ANO6: variants seen among roughly 807,000 people sequenced by gnomAD.
ANO6 encodes anoctamin 6.
Under a neutral mutation model 117.5 loss-of-function variants are expected in ANO6, and 106 were observed. The observed-to-expected ratio is 0.90, with a 90% CI of 0.77 to 1.06. The LOEUF is 1.06. Among genes scored for constraint, ANO6 ranks in the 50% least tolerant of loss-of-function variants. ANO6 has a pLI of 0.00. For synonymous variants in ANO6, 367 were observed against 385.1 expected (o/e 0.95, Z 0.55); for missense variants, 955 against 1,121.1 (o/e 0.85, Z 2.12).
intron 19 of ANO6, among the ~76,000 whole-genome samples, chr12:45,424,526 G>T (rs1440865259): frequency 6.6e-6 from 1 of 151,642 alleles, no homozygotes; most frequent in Admixed American, 6.6e-5. Context: ...TAGTAGAGAT[G>T]GGGTTTCACC....
At chr12:45,304,189 C>A (rs1475503375) in intron 2 of ANO6, among the ~76,000 whole-genome samples, 2 of 152,164 alleles carry the variant, frequency 1.3e-5, no homozygotes, top group Non-Finnish European at 2.9e-5. Context: ...ACTGCTGTCT[C>A]CATGGTAAAC....
chr12:45,264,294 T>C (rs2137219035), intron 1 of ANO6, among the ~76,000 whole-genome samples: 1 of 152,368 alleles, frequency 6.6e-6, no homozygotes, highest in East Asian at 1.9e-4. Context: ...TCTTGGCTAA[T>C]GCCTGTGAAC....
At position 45,409,387 on chromosome 12, in the gene ANO6, CAG is replaced by C. The variant is rs750168369; in HGVS notation, c.1914_1915del (p.Arg638SerfsTer28). 4 of 1,613,992 alleles carry C rather than the reference CAG, an allele frequency of 2.5e-6. No homozygotes were observed. The South Asian group carries it at 3.3e-5, about 13-fold the overall frequency. Reference sequence around the variant, plus strand: ...TCATGAATCTAATTGGGCGATTTCACAGAGTTTCTGGATCAGAAAAGATAACC... The same window carrying C: ...TCATGAATCTAATTGGGCGATTTCACAGTTTCTGGATCAGAAAAGATAACC... ...WIMNLIGRFH[R>X]VSGSEKITPR... is the part of the protein sequence containing the mutation. On this transcript the variant is annotated frameshift_variant, in exon 16 of 20. Transcript: ENST00000320560. LOFTEE classifies it high-confidence loss of function.
chr12:45,420,540 G>C (rs964106233), intron 17 of ANO6, among the ~76,000 whole-genome samples: 4 of 151,996 alleles, frequency 2.6e-5, no homozygotes, highest in African/African-American at 9.7e-5. Flanking sequence ...AGGAGTTCGA[G>C]GTTACAGTGA....
intron 16 of ANO6, among the ~76,000 whole-genome samples, chr12:45,414,747 A>T (rs1943171158): frequency 1.3e-5 from 2 of 152,122 alleles, no homozygotes; most frequent in African/African-American, 4.8e-5. Flanking sequence ...GAAGAACTTT[A>T]GTATCACTTT....
intron 5 of ANO6, 98 bp from the exon 6 acceptor site, chr12:45,348,420 A>G (rs1941199355): frequency 6.4e-7 from 1 of 1,566,906 alleles, no homozygotes; most frequent in Non-Finnish European, 8.8e-7. Context: ...CAAAAAGAAA[A>G]GAAATATGCC....
At chr12:45,322,995 C>T (rs934680639) in intron 2 of ANO6, among the ~76,000 whole-genome samples, 5 of 152,146 alleles carry the variant, frequency 3.3e-5, no homozygotes, top group African/African-American at 4.8e-5. Flanking sequence ...GTTAAGATCA[C>T]GACAACTACA....
intron 1 of ANO6, among the ~76,000 whole-genome samples, chr12:45,269,550 T>C (rs1054731455): frequency 6.6e-6 from 1 of 152,226 alleles, no homozygotes; most frequent in Admixed American, 6.5e-5. Flanking sequence ...TGTTTCTAAT[T>C]ACTGTTTGTT....
intron 1 of ANO6, among the ~76,000 whole-genome samples, chr12:45,287,551 G>C (rs551254129): frequency 1.2e-4 from 18 of 152,332 alleles, no homozygotes; most frequent in Middle Eastern, 3.4e-3. Flanking sequence ...TGTGGGAATG[G>C]TGAAAAGTAG....
At chr12:45,275,285 A>T (rs982121248) in intron 1 of ANO6, among the ~76,000 whole-genome samples, 1 of 152,064 alleles carries the variant, frequency 6.6e-6, no homozygotes, top group Admixed American at 6.5e-5. Context: ...ATCTCGGCTC[A>T]CTGCAACCTC....
chr12:45,252,807 G>A (rs1293897273), intron 1 of ANO6, among the ~76,000 whole-genome samples: 1 of 152,044 alleles, frequency 6.6e-6, no homozygotes, highest in Non-Finnish European at 1.5e-5. Context: ...AATGGTTTTG[G>A]TCATCAACAT....
At chr12:45,285,479 C>T (rs1242757683) in intron 1 of ANO6, among the ~76,000 whole-genome samples, 2 of 152,200 alleles carry the variant, frequency 1.3e-5, no homozygotes, top group South Asian at 4.1e-4. Flanking sequence ...GGCGGTGGCT[C>T]ACGCCTGTAA....
At chr12:45,313,972 G>A (rs1420397302) in intron 2 of ANO6, among the ~76,000 whole-genome samples, 1 of 151,850 alleles carries the variant, frequency 6.6e-6, no homozygotes, top group Non-Finnish European at 1.5e-5. Context: ...TTACCCACAG[G>A]GCCAAGAGTG....
chr12:45,277,336 T>A (rs1938587159), intron 1 of ANO6, among the ~76,000 whole-genome samples: 1 of 152,224 alleles, frequency 6.6e-6, no homozygotes, highest in Admixed American at 6.5e-5. Context: ...TATGAATAAT[T>A]CAACCTCACA....
intron 9 of ANO6, among the ~76,000 whole-genome samples, chr12:45,373,434 A>C (rs1206070681): frequency 1.3e-5 from 2 of 152,172 alleles, no homozygotes; most frequent in African/African-American, 4.8e-5. Flanking sequence ...CACCACACCT[A>C]TTCCAAAATT....
At chr12:45,364,724 A>G (rs185866994) in intron 8 of ANO6, among the ~76,000 whole-genome samples, 60 of 152,312 alleles carry the variant, frequency 3.9e-4, no homozygotes, top group African/African-American at 1.4e-3. Flanking sequence ...CCAAATATGT[A>G]TAACTGCTAA....
chr12:45,298,454 G>C (rs946075681), intron 1 of ANO6, among the ~76,000 whole-genome samples: 6 of 152,158 alleles, frequency 3.9e-5, no homozygotes, highest in African/African-American at 1.4e-4. Context: ...AACTTTTTCA[G>C]TTGTGTTAGA....
intron 2 of ANO6, among the ~76,000 whole-genome samples, chr12:45,321,321 A>T (rs1940262486): frequency 1.3e-5 from 2 of 152,138 alleles, no homozygotes; most frequent in East Asian, 3.9e-4. Flanking sequence ...CTGTATTAAT[A>T]AATTTTCGCT....
intron 2 of ANO6, among the ~76,000 whole-genome samples, chr12:45,304,531 A>C (rs1447251576): frequency 6.6e-6 from 1 of 152,154 alleles, no homozygotes; most frequent in Non-Finnish European, 1.5e-5. Context: ...GGAAGGTCCA[A>C]CTGCAGTTTG....
Sources: allele counts gnomAD v4.1 joint callset (sites outside exome capture counted in the v4.1 genomes callset), GRCh38; gene constraint gnomAD v4.1.1; transcripts MANE v1.5; gene names NCBI Gene and HGNC (gene_info 2026-07-23, HGNC 2026-07-21).